The following KDM4B variants were observed in gnomAD, a reference collection of about 807,000 sequenced individuals.
KDM4B encodes lysine demethylase 4B.
Under a neutral mutation model 125.2 loss-of-function variants are expected in KDM4B, and 32 were observed. The ratio of observed to expected loss-of-function variants is 0.26; its 90% confidence interval spans 0.19 to 0.34. KDM4B has a LOEUF of 0.34. Ranked by LOEUF, KDM4B falls within the 10% of genes least tolerant of loss-of-function variation. The pLI is 1.00. For missense variants in KDM4B, 1,190 were observed against 1,577.7 expected, an observed-to-expected ratio of 0.75 and a Z score of 4.16; for synonymous variants, 721 against 677.9, an observed-to-expected ratio of 1.06 and a Z score of -0.99.
At chr19:4,986,650 G>A (rs530224176) in intron 1 of KDM4B, among the ~76,000 whole-genome samples, 3 of 152,366 alleles carry the variant, frequency 2.0e-5, no homozygotes, top group African/African-American at 4.8e-5. Flanking sequence ...CTCGAGGGGC[G>A]GCGCTGCTTT....
chr19:5,043,671 T>G (rs1267237883), intron 5 of KDM4B, among the ~76,000 whole-genome samples: 138 of 124,298 alleles, frequency 1.1e-3, no homozygotes, highest in African/African-American at 1.8e-3. Flanking sequence ...GGAGTGGGGG[T>G]GTCCACCGTA....
chr19:5,134,878 A>G (rs2039620683), intron 14 of KDM4B, among the ~76,000 whole-genome samples: 1 of 152,188 alleles, frequency 6.6e-6, no homozygotes, highest in Admixed American at 6.5e-5. Flanking sequence ...AAGACCTGAC[A>G]GCCGACACCG....
chr19:4,974,790 C>T (rs1287526487), intron 1 of KDM4B, among the ~76,000 whole-genome samples: 2 of 151,494 alleles, frequency 1.3e-5, no homozygotes, highest in African/African-American at 4.9e-5. Flanking sequence ...AACAAACAAA[C>T]AAACAAAAGA....
chr19:5,064,853 C>T (rs939722047), intron 6 of KDM4B, among the ~76,000 whole-genome samples: 7 of 152,162 alleles, frequency 4.6e-5, no homozygotes, highest in South Asian at 2.1e-4. Context: ...CATGTGTGGC[C>T]GGCACCAGCA....
chr19:5,135,988 A>C (rs529820968), intron 15 of KDM4B, among the ~76,000 whole-genome samples: 1 of 152,346 alleles, frequency 6.6e-6, no homozygotes, highest in African/African-American at 2.4e-5. Context: ...GGGCCAGAGC[A>C]AGAAATGGGC....
intron 1 of KDM4B, among the ~76,000 whole-genome samples, chr19:4,989,100 G>A (rs1320506967): frequency 6.6e-6 from 1 of 152,222 alleles, no homozygotes; most frequent in Non-Finnish European, 1.5e-5. Flanking sequence ...GTGATGAGAG[G>A]ACGGGAGGGT....
At chr19:5,102,024 G>A (rs2038946192) in intron 9 of KDM4B, among the ~76,000 whole-genome samples, 1 of 152,136 alleles carries the variant, frequency 6.6e-6, no homozygotes, top group African/African-American at 2.4e-5. Context: ...AGGAGGGGTC[G>A]GGTGCTGCGG....
intron 9 of KDM4B, among the ~76,000 whole-genome samples, chr19:5,097,772 T>C (rs2620794): frequency 0.61 from 93,138 of 152,148 alleles, 28,959 homozygotes; most frequent in African/African-American, 0.72. Flanking sequence ...CTGGGTGCAG[T>C]GTTGGCTGTT....
intron 1 of KDM4B, among the ~76,000 whole-genome samples, chr19:4,973,611 T>C (rs2034337379): frequency 6.6e-6 from 1 of 152,138 alleles, no homozygotes; most frequent in African/African-American, 2.4e-5. Flanking sequence ...TGTTTCTTGG[T>C]TTTTGGACAA....
chr19:5,077,761 G>A (rs2038165282), intron 8 of KDM4B: 1 of 395,112 alleles, frequency 2.5e-6, no homozygotes, highest in African/African-American at 2.0e-5. Flanking sequence ...GGGGCTGCAG[G>A]GGTGGAAGGG....
chr19:5,065,825 G>A (rs140793958), intron 6 of KDM4B, among the ~76,000 whole-genome samples: 4 of 152,230 alleles, frequency 2.6e-5, no homozygotes, highest in Non-Finnish European at 5.9e-5. Context: ...TCGCCCACCC[G>A]TCGCCAGGAG....
chr19:5,095,997 G>A lies in KDM4B; in HGVS notation c.918+13493G>A, dbSNP rs73546204. Among the ~76,000 whole-genome samples the A allele has an allele frequency of 4.9e-3, 741 of 152,372 alleles. 4 individuals carry two copies. The highest frequency in any genetic ancestry group is 0.033 in the South Asian group (157 of 4,830). ...GGCTGCCGAAAAGTCAGCTTCACAG[G>A]GAGCTTGTTTTAGGAGGAGGTCCTT... On this transcript the variant is annotated intron_variant, in intron 9 of 22. Transcript: ENST00000159111.
rs568820085 is a variant in KDM4B at position 5,118,137 on chromosome 19, G to A, written c.1116-1516G>A. Among the ~76,000 whole-genome samples the A allele has an allele frequency of 5.3e-5, 8 of 152,240 alleles. No individual in the cohort carries two copies. In the East Asian group the frequency reaches 5.8e-4, roughly 11 times the overall value. ...AGGAGGTCCTGGTAACAGAAGCCCC[G>A]GCAGCGGGCCCACCCCACCCCTGTC... On this transcript the variant is annotated intron_variant, in intron 10 of 22. Transcript: ENST00000159111.
chr19:4,999,917 C>A (rs1326795723), intron 1 of KDM4B, among the ~76,000 whole-genome samples: 1 of 143,948 alleles, frequency 6.9e-6, no homozygotes, highest in African/African-American at 2.6e-5. Context: ...ATCCACCTGT[C>A]CACACACCGA....
At chr19:5,119,906 A>G in intron 11 of KDM4B, 54 bp downstream of exon 11, 2 of 1,532,354 alleles carry the variant, frequency 1.3e-6, no homozygotes, top group South Asian at 1.2e-5. Context: ...CCCCGTGGGC[A>G]TCTCCTAGAA....
chr19:5,093,341 G>A (rs987073347), intron 9 of KDM4B, among the ~76,000 whole-genome samples: 1 of 152,218 alleles, frequency 6.6e-6, no homozygotes, highest in South Asian at 2.1e-4. Flanking sequence ...GGAAGGCTGC[G>A]GAAGGCCATG....
chr19:5,039,984 A>T lies in KDM4B; in HGVS notation c.290A>T (p.Glu97Val). ...NIQKKAMTVG[E>V]YRRLANSEKY... ...CAGAAGAAGGCCATGACAGTGGGCG[A>T]GTACCGCCGCCTGGCCAACAGCGAG... The change falls in exon 4 of 23, where the codon GAG (glutamate) becomes GTG (valine). Residue 97 changes from glutamate to valine, a missense_variant. Physicochemically the swap from Glu to Val is moderately radical, Grantham distance 121. Coordinates refer to ENST00000159111, the MANE Select transcript of KDM4B (RefSeq NM_015015.3). 6.2e-7 allele frequency: 1 copy of T among 1,611,894 alleles called. No individual in the cohort carries two copies. The highest frequency in any genetic ancestry group is 8.5e-7 in the Non-Finnish European group (1 of 1,179,202).
chr19:5,113,811 C>T (rs2039199590), intron 10 of KDM4B: 1 of 860,108 alleles, frequency 1.2e-6, no homozygotes. Flanking sequence ...GGGTGGGCGC[C>T]ATGCCCTCAC....
rs2039746294 is a variant in KDM4B, at chr19:5,141,688, C to T, written c.2551-2279C>T. Among the ~76,000 whole-genome samples the T allele has an allele frequency of 6.6e-6, 1 of 152,200 alleles. No homozygotes were observed. The highest frequency in any genetic ancestry group is 2.1e-4 in the South Asian group (1 of 4,830). Reference sequence around the variant, plus strand: ...CCACCGGCTCAGGGCTCCAGGCAGTCCTGGTGAGTCAGGGGGCTCCGGCTG... The same window carrying T: ...CCACCGGCTCAGGGCTCCAGGCAGTTCTGGTGAGTCAGGGGGCTCCGGCTG... On this transcript the variant is annotated intron_variant, in intron 18 of 22. Transcript: ENST00000159111. This position sits in a 1 kb window ranked among gnomAD's most constrained non-coding sequence, Gnocchi z 6.4.
Sources: allele counts gnomAD v4.1 joint callset (sites outside exome capture counted in the v4.1 genomes callset), GRCh38; gene constraint gnomAD v4.1.1; non-coding constraint Gnocchi (gnomAD v3.1); transcripts MANE v1.5; gene names NCBI Gene and HGNC (gene_info 2026-07-23, HGNC 2026-07-21).